Variants in ANKMY2 observed in about 807,000 individuals in gnomAD.
ANKMY2 encodes the protein ankyrin repeat and MYND domain-containing protein 2.
ANKMY2 carries 36 observed loss-of-function variants against 50.4 expected under a neutral mutation model. The ratio of observed to expected loss-of-function variants is 0.71; its 90% CI spans 0.55 to 0.94. The LOEUF (loss-of-function observed/expected upper bound fraction) is 0.94. Among genes scored for constraint, ANKMY2 ranks in the 40% least tolerant of loss-of-function variants. The pLI, the probability that ANKMY2 is intolerant of heterozygous loss-of-function variation, is 0.00. For synonymous variants in ANKMY2, 187 were observed against 178.8 expected (o/e 1.05, Z -0.36); for missense variants, 565 against 524.0 (o/e 1.08, Z -0.76).
intron 5 of ANKMY2, among the ~76,000 whole-genome samples, chr7:16,613,251 G>A (rs1781285853): frequency 6.6e-6 from 1 of 152,186 alleles, no homozygotes. Flanking sequence ...GCTATATTAG[G>A]TGCACTGTAA....
chr7:16,619,586 T>C (rs909094739), intron 4 of ANKMY2, among the ~76,000 whole-genome samples: 1 of 152,236 alleles, frequency 6.6e-6, no homozygotes, highest in African/African-American at 2.4e-5. Flanking sequence ...TTGAATAATA[T>C]GTTTAAAGTT....
At chr7:16,636,660 A>T (rs1781666577) in intron 1 of ANKMY2, among the ~76,000 whole-genome samples, 2 of 152,180 alleles carry the variant, frequency 1.3e-5, no homozygotes. Flanking sequence ...AACTAAAAAT[A>T]GCTCCATCTT....
In ANKMY2 at chr7:16,626,912, C is replaced by T. The variant is rs1033138175; in HGVS notation, c.271+128G>A. On this transcript the variant is annotated intron_variant, in intron 3 of 9. Coordinates refer to ENST00000306999, the MANE Select transcript of ANKMY2 (RefSeq NM_020319.3). ...ATTATAGCTTTTCAAAAACCAATTG[C>T]CATCATTCCTTTCCATAAAACTTGA... is the stretch of plus-strand genomic sequence containing the variant. 1.1e-5 allele frequency: 8 copies of T among 721,216 alleles called. No homozygotes were observed. The South Asian group carries it at 1.4e-4, about 13-fold the overall frequency. The allele number at this position is 721,216 out of a possible 1,614,324, so 44.7% of individuals were successfully genotyped here. A position where few individuals can be genotyped will look rare whatever the true frequency, so the allele number is the denominator to read the frequency against.
At chr7:16,635,108 C>T (rs997656555) in intron 2 of ANKMY2, among the ~76,000 whole-genome samples, 8 of 151,880 alleles carry the variant, frequency 5.3e-5, no homozygotes, top group African/African-American at 1.9e-4. Context: ...TGGAAACAAC[C>T]CAAAACTCTA....
intron 6 of ANKMY2, among the ~76,000 whole-genome samples, chr7:16,610,181 A>G (rs568525237): frequency 7.2e-5 from 11 of 152,334 alleles, no homozygotes; most frequent in African/African-American, 2.4e-4. Flanking sequence ...AAGATACAGT[A>G]ACAGAGACAC....
intron 2 of ANKMY2, among the ~76,000 whole-genome samples, chr7:16,630,900 G>C (rs1781573346): frequency 6.6e-6 from 1 of 152,206 alleles, no homozygotes; most frequent in African/African-American, 2.4e-5. Context: ...CAGGGAAAGG[G>C]AATGAAAGTG....
rs868359594 is a variant in ANKMY2 at position 16,640,681 on chromosome 7, C to G, written c.68-4226G>C. Among the ~76,000 whole-genome samples the G allele has an allele frequency of 3.4e-4, 52 of 152,134 alleles. No homozygotes were observed. The Middle Eastern group carries it at 0.024, about 70-fold the overall frequency. ...GGACTACAGGTGCACGCCACCGCAC[C>G]CAGCTAATTTTTACATTTTTTGTAA... On this transcript the variant is annotated intron_variant, in intron 1 of 9. Transcript: ENST00000306999.
At position 16,600,848 on chromosome 7, in the gene ANKMY2, C is replaced by T; in HGVS notation, c.1239G>A (p.Gly413=). The T allele has an allele frequency of 6.2e-7, 1 of 1,613,476 alleles. No individual in the cohort carries two copies. The highest frequency in any genetic ancestry group is 1.7e-4 in the Middle Eastern group (1 of 6,060). Residue 413 remains glycine (G), a synonymous_variant, in exon 10 of 10, where the codon GGG becomes GGA. Transcript: ENST00000306999. ...TTTCAAGAGATTCTTTCTTTCCTTC[C>T]CCGGAATCTTCAGGATTGGAATCCT... is the stretch of plus-strand genomic sequence containing the variant. ...SQKDSNPEDS[G]EGKKESLESE...
At chr7:16,637,616 G>T (rs903767917) in intron 1 of ANKMY2, among the ~76,000 whole-genome samples, 1 of 152,090 alleles carries the variant, frequency 6.6e-6, no homozygotes, top group African/African-American at 2.4e-5. Context: ...TGGCTGAATC[G>T]CTATGCAAGG....
At chr7:16,618,779 C>T (rs1371845940) in intron 4 of ANKMY2, among the ~76,000 whole-genome samples, 1 of 152,168 alleles carries the variant, frequency 6.6e-6, no homozygotes, top group African/African-American at 2.4e-5. Context: ...GTTATGAACA[C>T]AGTTATCAAA....
At chr7:16,616,772 G>A (rs1781359916) in intron 4 of ANKMY2, among the ~76,000 whole-genome samples, 1 of 152,242 alleles carries the variant, frequency 6.6e-6, no homozygotes, top group Non-Finnish European at 1.5e-5. Flanking sequence ...GCGTGCAGAC[G>A]CCATGGCCCC....
At chr7:16,642,679 CT>C (rs1781761954) in intron 1 of ANKMY2, among the ~76,000 whole-genome samples, 1 of 151,500 alleles carries the variant, frequency 6.6e-6, no homozygotes, top group South Asian at 2.1e-4. Context: ...ACTTCACCCA[CT>C]TTAAAAAAAA....
At chr7:16,633,973 A>G (rs1389580902) in intron 2 of ANKMY2, among the ~76,000 whole-genome samples, 1 of 152,188 alleles carries the variant, frequency 6.6e-6, no homozygotes, top group African/African-American at 2.4e-5. Flanking sequence ...TATATAAGAC[A>G]GAATATCCAT....
At chr7:16,620,644 G>C (rs1443582709) in intron 4 of ANKMY2, among the ~76,000 whole-genome samples, 3 of 147,638 alleles carry the variant, frequency 2.0e-5, no homozygotes, top group Admixed American at 1.3e-4. Flanking sequence ...ACAAACAATA[G>C]TCAAGTAAAA....
chr7:16,628,180 C>G (rs1381932866), intron 2 of ANKMY2, among the ~76,000 whole-genome samples: 1 of 152,194 alleles, frequency 6.6e-6, no homozygotes, highest in Non-Finnish European at 1.5e-5. Context: ...ACCAAAACAT[C>G]AAAGTTGTTT....
chr7:16,618,201 C>T (rs1252093739), intron 4 of ANKMY2, among the ~76,000 whole-genome samples: 6 of 152,070 alleles, frequency 3.9e-5, no homozygotes, highest in Non-Finnish European at 8.8e-5. Context: ...GCTGGGATTA[C>T]AGGCGTGAGC....
intron 1 of ANKMY2, among the ~76,000 whole-genome samples, chr7:16,645,154 T>G (rs1781815084): frequency 6.6e-6 from 1 of 152,180 alleles, no homozygotes; most frequent in African/African-American, 2.4e-5. Context: ...CTACCAGGAC[T>G]GACCGCGGTC....
At position 16,627,163 on chromosome 7, in the gene ANKMY2, G is replaced by A. The variant is rs758896414; in HGVS notation, c.148C>T (p.Leu50=). 6.3e-7 allele frequency: 1 copy of A among 1,591,606 alleles called. No homozygotes were observed. Among genetic ancestry groups the A allele is most frequent in the Non-Finnish European group, 8.6e-7 (1 of 1,166,196 alleles). Residue 50 remains leucine, a synonymous_variant, in exon 3 of 10, where the codon CTA becomes TTA. Transcript: ENST00000306999. ...NCLDENGMTP[L]MHAAYKGKLD... Reference sequence around the variant, plus strand: ...TTTCCTTTATATGCTGCATGCATTAGAGGAGTCATTCCATTCTTTAATAGA... The same window carrying A: ...TTTCCTTTATATGCTGCATGCATTAAAGGAGTCATTCCATTCTTTAATAGA...
intron 9 of ANKMY2, among the ~76,000 whole-genome samples, chr7:16,601,292 C>A (rs1272173748): frequency 6.6e-6 from 1 of 152,214 alleles, no homozygotes; most frequent in Admixed American, 6.5e-5. Flanking sequence ...TAATTGCCTG[C>A]ATGAAGTTGT....
Sources: allele counts gnomAD v4.1 joint callset (sites outside exome capture counted in the v4.1 genomes callset), GRCh38; gene constraint gnomAD v4.1.1; transcripts MANE v1.5; gene names NCBI Gene and HGNC (gene_info 2026-07-23, HGNC 2026-07-21).